GLS2: variants seen among roughly 807,000 people sequenced by gnomAD.
GLS2 encodes the protein glutaminase liver isoform, mitochondrial.
GLS2 carries 52 observed loss-of-function variants against 79.0 expected under a neutral mutation model. That is an observed-to-expected ratio of 0.66 (90% CI 0.53 to 0.83). The LOEUF (loss-of-function observed/expected upper bound fraction) is 0.83, where lower values mean the gene tolerates loss of function less well. Among genes scored for constraint, GLS2 ranks in the 40% least tolerant of loss-of-function variants. GLS2 has a pLI of 0.00. For synonymous variants in GLS2, 238 were observed against 280.8 expected, an observed-to-expected ratio of 0.85 and a Z score of 1.52; for missense variants, 561 against 764.8, an observed-to-expected ratio of 0.73 and a Z score of 3.14.
chr12:56,481,750 G>C (rs1411432010), intron 1 of GLS2, among the ~76,000 whole-genome samples: 2 of 150,512 alleles, frequency 1.3e-5, no homozygotes, highest in Non-Finnish European at 2.9e-5. Context: ...AATTAACCGG[G>C]CATAGTGGCA....
At position 56,479,727 on chromosome 12, in the gene GLS2, A is replaced by G. The variant is rs1164084512; in HGVS notation, c.404+53T>C. 14 of 1,531,778 alleles carry G rather than the reference A, an allele frequency of 9.1e-6. No homozygotes were observed. The East Asian group carries it at 2.3e-4, about 25-fold the overall frequency. 94.9% of individuals were successfully genotyped at this position (1,531,778 alleles called of 1,614,324 possible). A position where few individuals can be genotyped will look rare whatever the true frequency, so the allele number is the denominator to read the frequency against. The stretch of plus-strand genomic sequence containing the variant: ...AAATTCCTCCCTGCTCTGAGAGTCT[A>G]TGTCCACAGGACAGTTTTCAGAGAG... On this transcript the variant is annotated intron_variant, in intron 3 of 17. Transcript: ENST00000311966.
chr12:56,475,033 C>G lies in GLS2; in HGVS notation c.996+11G>C. 1.2e-6 allele frequency: 2 copies of G among 1,614,130 alleles called. No individual in the cohort carries two copies. Among genetic ancestry groups the G allele is most frequent in the Non-Finnish European group, 1.7e-6 (2 of 1,180,048 alleles). On this transcript the variant is annotated intron_variant, in intron 10 of 17. Transcript: ENST00000311966. ...TCCCAGGGACTTTCTCTTCCGGCCT[C>G]TTCTGGTTACCTTCTTTTCCTTGAG...
intron 16 of GLS2, 122 bp from the exon 17 acceptor site, chr12:56,471,958 C>T (rs1166298308): frequency 7.8e-7 from 1 of 1,278,640 alleles, no homozygotes; most frequent in Admixed American, 1.7e-5. Context: ...ATTTTGTACC[C>T]TGCAGCACTC....
intron 12 of GLS2, 33 bp downstream of exon 12, chr12:56,474,511 C>T (rs1254038372): frequency 1.9e-6 from 3 of 1,612,096 alleles, no homozygotes; most frequent in East Asian, 4.5e-5. Context: ...GCACTGGGCT[C>T]ATGACAGATG....
Position 56,487,612 on chromosome 12 carries a change from G to T in GLS2, c.182+325C>A, listed in dbSNP as rs1218606420. 24 of 424,346 alleles carry T rather than the reference G, an allele frequency of 5.7e-5. No individual in the cohort carries two copies. The South Asian group carries it at 7.7e-4, about 14-fold the overall frequency. The allele number at this position is 424,346 out of a possible 1,614,324, so 26.3% of individuals were successfully genotyped here. A position where few individuals can be genotyped will look rare whatever the true frequency, so the allele number is the denominator to read the frequency against. On this transcript the variant is annotated intron_variant, in intron 1 of 17. Transcript: ENST00000311966. The stretch of plus-strand genomic sequence containing the variant: ...ACACACGAGGACTAGGGAAGGTGAG[G>T]ACTGGCGGCGTGAGCCCGGCCCTGC...
chr12:56,475,090 G>C lies in GLS2; in HGVS notation c.950C>G (p.Thr317Arg). Residue 317 changes from threonine (T) to arginine (R), a missense_variant, in exon 10 of 18, where the codon ACA becomes AGA. This residue lies in a region of GLS2 where 221 missense variants were observed against 275.6 expected (regional missense o/e 0.80). Coordinates refer to ENST00000311966, the MANE Select transcript of GLS2 (RefSeq NM_013267.4). ...SNATFQSEKE[T>R]GDRNYAIGYY... is the part of the protein sequence containing the mutation. ...GCCGATGGCATAATTCCGATCCCCTGTTTCCTTCTCTGACTGGAATCTGAA... is the reference window on the plus strand; with the variant it reads ...GCCGATGGCATAATTCCGATCCCCTCTTTCCTTCTCTGACTGGAATCTGAA... 1 of 1,614,070 alleles carries C rather than the reference G, an allele frequency of 6.2e-7. No homozygotes were observed. The highest frequency in any genetic ancestry group is 1.1e-5 in the South Asian group (1 of 91,084).
intron 1 of GLS2, among the ~76,000 whole-genome samples, chr12:56,480,641 A>T (rs1279733958): frequency 1.3e-5 from 2 of 152,132 alleles, no homozygotes; most frequent in Non-Finnish European, 2.9e-5. Context: ...TAGGTTCCCC[A>T]CAAGCACTGA....
At chr12:56,482,056 C>G (rs891193223) in intron 1 of GLS2, among the ~76,000 whole-genome samples, 2 of 152,090 alleles carry the variant, frequency 1.3e-5, no homozygotes, top group African/African-American at 4.8e-5. Flanking sequence ...CATGGTAAAA[C>G]CCCGTCTCTA....
chr12:56,479,604 T>C (rs1261412388), intron 3 of GLS2, 176 bp downstream of exon 3: 6 of 717,856 alleles, frequency 8.4e-6, no homozygotes, highest in Non-Finnish European at 1.0e-5. Context: ...AAGGAGAACA[T>C]GTATTTCTAT....
rs140662868 is a variant in GLS2 at position 56,479,289 on chromosome 12, G to A, written c.405-108C>T. On this transcript the variant is annotated intron_variant, in intron 3 of 17. Transcript: ENST00000311966. Reference sequence around the variant, plus strand: ...GAAGGTTGAGTGGTCTTCAGGTTTGGGATCAACAGCTCTGTTACCTTTGGC... The same window carrying A: ...GAAGGTTGAGTGGTCTTCAGGTTTGAGATCAACAGCTCTGTTACCTTTGGC... 9.7e-5 allele frequency: 136 copies of A among 1,396,344 alleles called. No homozygotes were observed. The African/African-American group carries it at 1.7e-3, about 18-fold the overall frequency. 86.5% of individuals were successfully genotyped at this position (1,396,344 alleles called of 1,614,324 possible).
chr12:56,471,424 T>TATGG lies in GLS2; in HGVS notation c.*59_*62dup. On this transcript the variant is annotated 3_prime_UTR_variant, in exon 18 of 18. Coordinates refer to ENST00000311966, the MANE Select transcript of GLS2 (RefSeq NM_013267.4). Reference sequence around the variant, plus strand: ...AGCTCTCCATAGTATTTTTGGTGGTTATGGATTACATGTGTGGCCAGCTCA... The same window carrying TATGG: ...AGCTCTCCATAGTATTTTTGGTGGTTATGGATGGATTACATGTGTGGCCAGCTCA... 1 of 1,521,136 alleles carries TATGG rather than the reference T, an allele frequency of 6.6e-7. No homozygotes were observed. The highest frequency in any genetic ancestry group is 8.9e-7 in the Non-Finnish European group (1 of 1,129,052). 94.2% of individuals were successfully genotyped at this position (1,521,136 alleles called of 1,614,324 possible).
At chr12:56,478,852 G>C in intron 4 of GLS2, 200 bp downstream of exon 4, 1 of 577,748 alleles carries the variant, frequency 1.7e-6, no homozygotes, top group African/African-American at 1.9e-5. Flanking sequence ...AATTAGTCGG[G>C]CATGGTGGTG....
At chr12:56,480,561 A>G in intron 1 of GLS2, 174 bp from the exon 2 acceptor site, 1 of 593,708 alleles carries the variant, frequency 1.7e-6, no homozygotes, top group Non-Finnish European at 3.0e-6. Flanking sequence ...GAAGTTGTAG[A>G]TCTTTTCTCT....
At position 56,472,157 on chromosome 12, in the gene GLS2, T is replaced by C; in HGVS notation, c.1550A>G (p.Tyr517Cys). ...LSAMDMEQKD[Y>C]DSRTALHVAA... Reference sequence around the variant, plus strand: ...AACATGCAGAGCTGTGCGCGAGTCATAGTCTTTCTGTTCCATATCCATGGC... The same window carrying C: ...AACATGCAGAGCTGTGCGCGAGTCACAGTCTTTCTGTTCCATATCCATGGC... The change falls in exon 16 of 18, where the codon TAT becomes TGT. Residue 517 changes from tyrosine to cysteine, a missense_variant. By Grantham distance (194) the Tyr-to-Cys change is radical (BLOSUM62 -2). Around this residue, in one of 4 missense-constraint regions of GLS2, gnomAD observed 136 missense variants for 228.6 expected, o/e 0.59. Coordinates refer to ENST00000311966, the MANE Select transcript of GLS2 (RefSeq NM_013267.4). 2 of 1,614,182 alleles carry C rather than the reference T, an allele frequency of 1.2e-6. No individual in the cohort carries two copies. The highest frequency in any genetic ancestry group is 1.7e-5 in the Admixed American group (1 of 60,018).
At chr12:56,487,536 C>T in intron 1 of GLS2, 1 of 269,758 alleles carries the variant, frequency 3.7e-6, no homozygotes, top group Non-Finnish European at 7.1e-6. Context: ...GACCCCAGTA[C>T]ACCTGGACCG....
Position 56,471,820 on chromosome 12 carries a change from A to C in GLS2, c.1605T>G (p.Val535=). The C allele has an allele frequency of 6.2e-7, 1 of 1,614,066 alleles. No homozygotes were observed. The highest frequency in any genetic ancestry group is 8.5e-7 in the Non-Finnish European group (1 of 1,180,010). Residue 535 remains valine, a synonymous_variant, in exon 17 of 18, where the codon GTT becomes GTG. Coordinates refer to ENST00000311966, the MANE Select transcript of GLS2 (RefSeq NM_013267.4). ...CTTTGCAAGCCTCGATCAGGAATTT[A>C]ACAACTTCGATGTGTCCTAGGAATA... ...VAAAEGHIEV[V]KFLIEACKVN... is the part of the protein sequence containing the mutation.
chr12:56,479,538 C>T (rs1408583486), intron 3 of GLS2: 1 of 433,732 alleles, frequency 2.3e-6, no homozygotes, highest in Non-Finnish European at 4.0e-6. Flanking sequence ...AAGATACCCA[C>T]TAATCTGCTA....
At chr12:56,486,857 C>T (rs2136198940) in intron 1 of GLS2, among the ~76,000 whole-genome samples, 1 of 152,212 alleles carries the variant, frequency 6.6e-6, no homozygotes, top group East Asian at 1.9e-4. Context: ...GAGACTCCGT[C>T]TCAAAAAAGA....
intron 1 of GLS2, among the ~76,000 whole-genome samples, chr12:56,481,606 G>A (rs1870302607): frequency 6.6e-6 from 1 of 151,432 alleles, no homozygotes; most frequent in Non-Finnish European, 1.5e-5. Flanking sequence ...GAAATAAGAA[G>A]TAGGCTGGGC....
Sources: gnomAD v4.1 joint callset for allele counts (sites outside exome capture counted in the v4.1 genomes callset) on GRCh38, gnomAD v4.1.1 for gene constraint, gnomAD v4.1.1 regional missense constraint, MANE v1.5 for transcripts, NCBI Gene and HGNC (gene_info 2026-07-23, HGNC 2026-07-21) for gene names.